The following RUNDC3B variants were observed in gnomAD, a reference collection of about 807,000 sequenced individuals.
RUNDC3B encodes RUN domain-containing protein 3B.
Under a neutral mutation model 58.4 loss-of-function variants are expected in RUNDC3B, and 33 were observed. The ratio of observed to expected loss-of-function variants is 0.56; its 90% CI spans 0.43 to 0.75. The LOEUF is 0.75. Ranked by LOEUF, RUNDC3B falls within the 30% of genes least tolerant of loss-of-function variation. RUNDC3B has a pLI of 0.00. For missense variants in RUNDC3B, 501 were observed against 535.7 expected (o/e 0.94, Z 0.64); for synonymous variants, 193 against 195.2 (o/e 0.99, Z 0.10).
At chr7:87,718,718 T>C (rs1830700712) in intron 4 of RUNDC3B, among the ~76,000 whole-genome samples, 1 of 152,198 alleles carries the variant, frequency 6.6e-6, no homozygotes, top group Non-Finnish European at 1.5e-5. Context: ...TTTCTTAACA[T>C]GATATGGGAA....
chr7:87,692,146 A>T (rs1268891722), intron 2 of RUNDC3B, among the ~76,000 whole-genome samples: 1 of 152,104 alleles, frequency 6.6e-6, no homozygotes, highest in African/African-American at 2.4e-5. Flanking sequence ...ACAGCTTTTT[A>T]AAAAAATAAC....
chr7:87,643,319 G>A (rs1449003322), intron 1 of RUNDC3B, among the ~76,000 whole-genome samples: 1 of 152,126 alleles, frequency 6.6e-6, no homozygotes, highest in African/African-American at 2.4e-5. Flanking sequence ...CAGGGAAGAT[G>A]GTTGGGACTT....
At chr7:87,663,879 G>A (rs1159639805) in intron 2 of RUNDC3B, among the ~76,000 whole-genome samples, 1 of 152,102 alleles carries the variant, frequency 6.6e-6, no homozygotes, top group African/African-American at 2.4e-5. Context: ...CTCACTTGGT[G>A]GAGACAGAGA....
chr7:87,646,937 T>C (rs955492956), intron 1 of RUNDC3B, among the ~76,000 whole-genome samples: 12 of 152,164 alleles, frequency 7.9e-5, no homozygotes, highest in Non-Finnish European at 1.6e-4. Flanking sequence ...TCCTATATGT[T>C]ATTTCCCGTT....
At position 87,827,658 on chromosome 7, in the gene RUNDC3B, A is replaced by G. The variant is rs547683629; in HGVS notation, c.1226-2227A>G. 2.6e-5 allele frequency among the ~76,000 whole-genome samples: 4 copies of G among 152,338 alleles called. No homozygotes were observed. In the South Asian group the frequency reaches 8.3e-4, roughly 32 times the overall value. The stretch of plus-strand genomic sequence containing the variant: ...AACAAATAATGATATCCCCCTTTAT[A>G]TAAGGAAACAGAAATCCAGTGACAG... On this transcript the variant is annotated intron_variant, in intron 10 of 10. Coordinates refer to ENST00000394654, the MANE Select transcript of RUNDC3B (RefSeq NM_001134405.2).
intron 4 of RUNDC3B, among the ~76,000 whole-genome samples, chr7:87,734,971 T>C (rs1831841217): frequency 6.6e-6 from 1 of 152,188 alleles, no homozygotes. Flanking sequence ...CATTTTCTGC[T>C]TTTTTTCCTC....
intron 4 of RUNDC3B, among the ~76,000 whole-genome samples, chr7:87,712,720 A>G (rs1179445067): frequency 6.6e-6 from 1 of 152,076 alleles, no homozygotes; most frequent in Non-Finnish European, 1.5e-5. Context: ...GAAATGATTC[A>G]GCTCTAAAAA....
intron 6 of RUNDC3B, among the ~76,000 whole-genome samples, chr7:87,747,468 A>T (rs1259389208): frequency 1.3e-5 from 2 of 152,196 alleles, no homozygotes; most frequent in Admixed American, 1.3e-4. Context: ...GCCTCTTGCC[A>T]GGAGGTGGCG....
intron 3 of RUNDC3B, among the ~76,000 whole-genome samples, chr7:87,705,772 A>G (rs537701612): frequency 1.3e-5 from 2 of 152,230 alleles, no homozygotes; most frequent in East Asian, 3.9e-4. Context: ...CTTGGGTCAT[A>G]TGCTCTTATA....
intron 8 of RUNDC3B, among the ~76,000 whole-genome samples, chr7:87,799,871 G>A (rs1380303491): frequency 7.0e-6 from 1 of 142,844 alleles, no homozygotes; most frequent in East Asian, 2.0e-4. Context: ...GGGTGACAGA[G>A]CGAGACTCCG....
At chr7:87,694,869 T>C (rs1828362677) in intron 2 of RUNDC3B, among the ~76,000 whole-genome samples, 1 of 152,210 alleles carries the variant, frequency 6.6e-6, no homozygotes, top group Non-Finnish European at 1.5e-5. Context: ...TTCATCTTAA[T>C]CTTTTTGTTT....
chr7:87,697,712 C>T (rs1049648892), intron 2 of RUNDC3B, among the ~76,000 whole-genome samples: 4 of 152,206 alleles, frequency 2.6e-5, no homozygotes, highest in Non-Finnish European at 4.4e-5. Flanking sequence ...CTCTTTGCTA[C>T]TTGCTGCACA....
chr7:87,830,081 C>T lies in RUNDC3B; in HGVS notation c.*51C>T. The T allele has an allele frequency of 1.7e-5, 21 of 1,227,810 alleles. No homozygotes were observed. Among genetic ancestry groups the T allele is most frequent in the Non-Finnish European group, 2.3e-5 (20 of 880,558 alleles). 76.1% of individuals were successfully genotyped at this position (1,227,810 alleles called of 1,614,324 possible). A position where few individuals can be genotyped will look rare whatever the true frequency, so the allele number is the denominator to read the frequency against. ...TTTTATGTTGTAAATGTTTAATTTA[C>T]ATGTTTGACTGCTGGGAAGACCTTT... On this transcript the variant is annotated 3_prime_UTR_variant, in exon 11 of 11. Transcript: ENST00000394654.
intron 6 of RUNDC3B, among the ~76,000 whole-genome samples, chr7:87,749,862 T>G (rs1832860785): frequency 6.6e-6 from 1 of 151,850 alleles, no homozygotes; most frequent in African/African-American, 2.4e-5. Flanking sequence ...TTTCTTTCTT[T>G]TTTTTTAATT....
intron 6 of RUNDC3B, among the ~76,000 whole-genome samples, chr7:87,751,550 T>C (rs1832986942): frequency 6.6e-6 from 1 of 152,224 alleles, no homozygotes. Context: ...TCCTCTTTTA[T>C]TTCCTTGAGC....
chr7:87,730,238 C>T (rs957167415), intron 4 of RUNDC3B, among the ~76,000 whole-genome samples: 2 of 152,132 alleles, frequency 1.3e-5, no homozygotes, highest in African/African-American at 2.4e-5. Context: ...GAGATTAGTT[C>T]CTAGCTCAGC....
At chr7:87,659,381 T>G (rs1413550427) in intron 2 of RUNDC3B, among the ~76,000 whole-genome samples, 1 of 152,184 alleles carries the variant, frequency 6.6e-6, no homozygotes, top group Non-Finnish European at 1.5e-5. Context: ...TGTATCTCTT[T>G]ATATAGATTT....
rs183503012 is a variant in RUNDC3B at position 87,691,464 on chromosome 7, T to A, written c.239-8957T>A. On this transcript the variant is annotated intron_variant, in intron 2 of 10. Coordinates refer to ENST00000394654, the MANE Select transcript of RUNDC3B (RefSeq NM_001134405.2). ...TTTCTGAACCTGGTTTCTTTGGTAT[T>A]GTCTCAAGTATTTTTCTAAGCTACA... Among the ~76,000 whole-genome samples the A allele has an allele frequency of 3.3e-5, 5 of 152,282 alleles. No individual in the cohort carries two copies. In the East Asian group the frequency reaches 7.7e-4, roughly 23 times the overall value.
chr7:87,778,333 C>T (rs1166074448), intron 8 of RUNDC3B, among the ~76,000 whole-genome samples: 1 of 151,510 alleles, frequency 6.6e-6, no homozygotes, highest in Non-Finnish European at 1.5e-5. Flanking sequence ...GTCCCAGCTA[C>T]TCAGGAGGCT....
Sources: allele counts gnomAD v4.1 joint callset (sites outside exome capture counted in the v4.1 genomes callset), GRCh38; gene constraint gnomAD v4.1.1; transcripts MANE v1.5; gene names NCBI Gene and HGNC (gene_info 2026-07-23, HGNC 2026-07-21).